TULP4: variants seen among roughly 807,000 people sequenced by gnomAD.
The protein encoded by TULP4 is TUB like protein 4.
A neutral mutation model predicts 129.0 loss-of-function variants in TULP4; 16 were observed. That is an observed-to-expected ratio of 0.12 (90% CI 0.08 to 0.19). TULP4 has a LOEUF of 0.19. TULP4 is among the 10% of genes least tolerant of loss of function. The probability of loss-of-function intolerance (pLI) is 1.00; values close to 1 mark genes in which losing one functional copy is unlikely to be tolerated. For synonymous variants in TULP4, 998 were observed against 854.0 expected (o/e 1.17, Z -2.94); for missense variants, 1,842 against 2,059.1 (o/e 0.89, Z 2.04).
intron 3 of TULP4, among the ~76,000 whole-genome samples, chr6:158,443,106 C>T (rs1307662545): frequency 6.6e-6 from 1 of 152,138 alleles, no homozygotes; most frequent in Non-Finnish European, 1.5e-5. Context: ...GCCTCAGCCT[C>T]CCAAATAGCT....
intron 1 of TULP4, among the ~76,000 whole-genome samples, chr6:158,392,157 T>G (rs1276527362): frequency 6.6e-6 from 1 of 152,184 alleles, no homozygotes. Context: ...AGTCATGTCT[T>G]ACATGGATGG....
chr6:158,237,977 C>T, intron 1 of TULP4: 2 of 724,764 alleles, frequency 2.8e-6, no homozygotes, highest in Non-Finnish European at 5.1e-6. Flanking sequence ...TTGAAGTTTG[C>T]AGCTTCTTTT....
intron 1 of TULP4, among the ~76,000 whole-genome samples, chr6:158,338,057 A>G (rs1180048934): frequency 1.3e-5 from 2 of 152,222 alleles, no homozygotes; most frequent in African/African-American, 2.4e-5. Context: ...ATTTAGGGCC[A>G]TGAAACAGTC....
intron 1 of TULP4, among the ~76,000 whole-genome samples, chr6:158,258,211 C>G (rs1562497059): frequency 6.6e-6 from 1 of 152,056 alleles, no homozygotes; most frequent in Non-Finnish European, 1.5e-5. Flanking sequence ...GGTCAGGAGC[C>G]AGGGATTGGG....
In TULP4 at chr6:158,274,127, G is replaced by A. The variant is rs62437157; in HGVS notation, n.69-37924G>A. Among the ~76,000 whole-genome samples, 12 of 152,134 alleles carry A rather than the reference G, an allele frequency of 7.9e-5. 1 individual carries two copies. The East Asian group carries it at 1.4e-3, about 17-fold the overall frequency. ...ACAAAAATTAGCTGGGCATGGTGGC[G>A]GGCACCTGCAGTCCCGGCTACTTGG... On this transcript the variant is annotated intron_variant and non_coding_transcript_variant, in intron 1 of 1. Coordinates refer to the TULP4 transcript ENST00000620026.
rs1777738683 is a variant in TULP4, at chr6:158,237,578, C to CCTTCTTT, written n.68+5280_68+5286dup. On this transcript the variant is annotated intron_variant and non_coding_transcript_variant, in intron 1 of 1. Transcript: ENST00000620026. ...TTTCCCATCTGATCCTTCTTTTTAC[C>CCTTCTTT]CTTCTTTCTTCCCTGGTAGAAAGAA... 5.9e-6 allele frequency: 9 copies of CCTTCTTT among 1,536,650 alleles called. No individual in the cohort carries two copies. In the South Asian group the frequency reaches 1.0e-4, roughly 17 times the overall value.
chr6:158,399,254 G>A lies in TULP4; in HGVS notation c.253-13811G>A, dbSNP rs1777790804. On this transcript the variant is annotated intron_variant, in intron 1 of 13. Transcript: ENST00000367097. ...ACCCTTGGCAGTTTTCATCTCACTT[G>A]TTTTTACAGATGCTGAACAGCTAAT... Among the ~76,000 whole-genome samples, 3 of 152,190 alleles carry A rather than the reference G, an allele frequency of 2.0e-5. No homozygotes were observed. In the South Asian group the frequency reaches 6.2e-4, roughly 31 times the overall value.
In TULP4 at chr6:158,413,057, T is replaced by C; in HGVS notation, c.253-8T>C. 1.2e-6 allele frequency: 2 copies of C among 1,604,232 alleles called. No homozygotes were observed. The highest frequency in any genetic ancestry group is 1.7e-6 in the Non-Finnish European group (2 of 1,174,578). On this transcript the variant is annotated splice_region_variant and splice_polypyrimidine_tract_variant and intron_variant, in intron 1 of 13. Coordinates refer to ENST00000367097, the MANE Select transcript of TULP4 (RefSeq NM_020245.5). This position sits in a 1 kb window ranked among gnomAD's most constrained non-coding sequence, Gnocchi z 4.9. ...CCTGTGGTAAATGTCTTCTTGGTGG[T>C]TTTCTAGGTTGTGCTGGTGAGGTGG...
chr6:158,366,808 A>G (rs1780976675), intron 1 of TULP4, among the ~76,000 whole-genome samples: 1 of 152,210 alleles, frequency 6.6e-6, no homozygotes, highest in Non-Finnish European at 1.5e-5. Flanking sequence ...AAATTGTCTT[A>G]GCTTCTTGGT....
intron 1 of TULP4, among the ~76,000 whole-genome samples, chr6:158,405,424 A>T (rs1777956438): frequency 6.6e-6 from 1 of 151,964 alleles, no homozygotes; most frequent in African/African-American, 2.4e-5. Context: ...GAGCTCTGGG[A>T]GCCCAGACTA....
chr6:158,497,069 T>C (rs1348477889), intron 11 of TULP4, among the ~76,000 whole-genome samples: 2 of 152,220 alleles, frequency 1.3e-5, no homozygotes, highest in African/African-American at 4.8e-5. Flanking sequence ...TCCAGGCTGG[T>C]CTTAAACTCC....
Position 158,502,186 on chromosome 6 carries a change from C to T in TULP4, c.2523C>T (p.Ile841=), listed in dbSNP as rs1332755248. ...INPPPPYPGT[I]PAAPTTAAPP... is the part of the protein sequence containing the mutation. ...CTCCACCCCCGTACCCAGGAACCAT[C>T]CCCGCTGCCCCCACCACAGCAGCAC... is the stretch of plus-strand genomic sequence containing the variant. Residue 841 remains isoleucine, a synonymous_variant, in exon 13 of 14, where the codon ATC becomes ATT. Transcript: ENST00000367097. 1.3e-6 allele frequency: 2 copies of T among 1,513,236 alleles called. No individual in the cohort carries two copies. Among genetic ancestry groups the T allele is most frequent in the Non-Finnish European group, 1.8e-6 (2 of 1,121,820 alleles). The allele number at this position is 1,513,236 out of a possible 1,614,324, so 93.7% of individuals were successfully genotyped here. A position where few individuals can be genotyped will look rare whatever the true frequency, so the allele number is the denominator to read the frequency against.
upstream of TULP4, among the ~76,000 whole-genome samples, chr6:158,279,916 C>T (rs1466786323): frequency 6.6e-6 from 1 of 152,206 alleles, no homozygotes; most frequent in Admixed American, 6.5e-5. Flanking sequence ...TATTTCAGAA[C>T]ACAGTTGTGA....
In TULP4 at chr6:158,502,988, C is replaced by T; in HGVS notation, c.3325C>T (p.Leu1109=). 3 of 1,614,048 alleles carry T rather than the reference C, an allele frequency of 1.9e-6. No homozygotes were observed. The highest frequency in any genetic ancestry group is 1.3e-5 in the African/African-American group (1 of 75,054). The change falls in exon 13 of 14, where the codon CTG becomes TTG. Residue 1109 remains leucine (L), a synonymous_variant. Transcript: ENST00000367097. ...QLEKPLRHPP[L]PEAAVTLKRP... is the part of the protein sequence containing the mutation. ...TGAGAAGCCCTTGAGGCACCCTCCC[C>T]TGCCTGAAGCTGCTGTCACCCTGAA...
upstream of TULP4, among the ~76,000 whole-genome samples, chr6:158,280,798 T>A (rs1725445232): frequency 6.6e-6 from 1 of 152,282 alleles, no homozygotes; most frequent in South Asian, 2.1e-4. Context: ...ATTTGTCATC[T>A]AAATTAGAAA....
At chr6:158,274,383 T>A (rs1778603009) in intron 1 of TULP4, among the ~76,000 whole-genome samples, 1 of 152,184 alleles carries the variant, frequency 6.6e-6, no homozygotes, top group Non-Finnish European at 1.5e-5. Context: ...TGTACCCGGA[T>A]CACTGCAGCA....
At position 158,385,842 on chromosome 6, in the gene TULP4, C is replaced by CTTTTTTTTTTTTTTTTTTTTTTTTTTT. The variant is rs778595442; in HGVS notation, c.253-27203_253-27202insTTTTTTTTTTTTTTTTTTTTTTTTTTT. Among the ~76,000 whole-genome samples the CTTTTTTTTTTTTTTTTTTTTTTTTTTT allele has an allele frequency of 6.0e-4, 36 of 59,582 alleles. 10 individuals are homozygous for CTTTTTTTTTTTTTTTTTTTTTTTTTTT. The highest frequency in any genetic ancestry group is 8.5e-4 in the Non-Finnish European group (28 of 32,834). 39.1% of individuals were successfully genotyped at this position (59,582 alleles called of 152,430 possible). A position where few individuals can be genotyped will look rare whatever the true frequency, so the allele number is the denominator to read the frequency against. The stretch of plus-strand genomic sequence containing the variant: ...GGAAAAGTCTACAAATGTGGAATAT[C>CTTTTTTTTTTTTTTTTTTTTTTTTTTT]TTTTTTTTTTTTTTTTTTTTGAGAA... On this transcript the variant is annotated intron_variant, in intron 1 of 13. Coordinates refer to ENST00000367097, the MANE Select transcript of TULP4 (RefSeq NM_020245.5).
intron 6 of TULP4, among the ~76,000 whole-genome samples, chr6:158,478,732 CT>C (rs1206758353): frequency 6.6e-6 from 1 of 152,202 alleles, no homozygotes; most frequent in Non-Finnish European, 1.5e-5. Context: ...GAACAAATCT[CT>C]TGCTGCTTCT....
At chr6:158,356,165 A>C (rs1035377580) in intron 1 of TULP4, among the ~76,000 whole-genome samples, 39 of 152,206 alleles carry the variant, frequency 2.6e-4, no homozygotes, top group Non-Finnish European at 4.6e-4. Flanking sequence ...AGAGAAGTAA[A>C]CATTTGTGAG....
Sources: gnomAD v4.1 joint callset for allele counts (sites outside exome capture counted in the v4.1 genomes callset) on GRCh38, gnomAD v4.1.1 for gene constraint, Gnocchi (gnomAD v3.1) non-coding constraint, MANE v1.5 for transcripts, NCBI Gene and HGNC (gene_info 2026-07-23, HGNC 2026-07-21) for gene names.